Variants in ANO1 observed in about 807,000 individuals in gnomAD.
ANO1 encodes the protein anoctamin-1.
ANO1 carries 59 observed loss-of-function variants against 124.0 expected under a neutral mutation model. The ratio of observed to expected loss-of-function variants is 0.48; its 90% confidence interval spans 0.39 to 0.59. The LOEUF (loss-of-function observed/expected upper bound fraction) is 0.59, where lower values mean the gene tolerates loss of function less well. ANO1 is among the 20% of genes least tolerant of loss of function. The pLI is 0.00. For missense variants in ANO1, 1,059 were observed against 1,328.0 expected, an observed-to-expected ratio of 0.80 and a Z score of 3.15; for synonymous variants, 529 against 532.0, an observed-to-expected ratio of 0.99 and a Z score of 0.08.
At chr11:69,966,055 T>C in the ANO1 span, among the ~76,000 whole-genome samples, 1 of 151,060 alleles carries the variant, frequency 6.6e-6, no homozygotes, top group Non-Finnish European at 1.5e-5. Flanking sequence ...GCAGGGTTGG[T>C]GAGAATATCC....
the ANO1 span, among the ~76,000 whole-genome samples, chr11:69,975,045 C>A: frequency 7.2e-5 from 11 of 152,288 alleles, no homozygotes; most frequent in Admixed American, 2.0e-4. Flanking sequence ...GAGGGGCTGG[C>A]GTCCCACCCC....
At chr11:70,066,078 G>A (rs1857709933) in intron 1 of ANO1, among the ~76,000 whole-genome samples, 1 of 152,224 alleles carries the variant, frequency 6.6e-6, no homozygotes. Context: ...GGACTTGTTT[G>A]CATTGTTTAT....
intron 5 of ANO1, among the ~76,000 whole-genome samples, chr11:70,107,276 G>A (rs2045585453): frequency 6.6e-6 from 1 of 152,256 alleles, no homozygotes; most frequent in East Asian, 1.9e-4. Flanking sequence ...GTGGGGAGAG[G>A]CAAGCTGAGC....
upstream of ANO1, among the ~76,000 whole-genome samples, chr11:70,074,558 C>T (rs2044032528): frequency 6.6e-6 from 1 of 152,162 alleles, no homozygotes; most frequent in African/African-American, 2.4e-5. Flanking sequence ...CATCACCTCT[C>T]CAGGTGTGTG....
At chr11:70,026,055 GTGA>G (rs1400097988) in intron 1 of ANO1, among the ~76,000 whole-genome samples, 6 of 139,172 alleles carry the variant, frequency 4.3e-5, no homozygotes, top group Non-Finnish European at 7.6e-5. Flanking sequence ...GGTGGTGGTG[GTGA>G]TGATGATGTG....
At chr11:70,131,308 T>C (rs1590817094) in intron 10 of ANO1, among the ~76,000 whole-genome samples, 1 of 47,608 alleles carries the variant, frequency 2.1e-5, no homozygotes, top group Non-Finnish European at 5.5e-5. Flanking sequence ...AATCAATGTG[T>C]GTGTGTGTGT....
At chr11:70,147,319 G>A (rs1012564095) in intron 11 of ANO1, among the ~76,000 whole-genome samples, 1 of 152,312 alleles carries the variant, frequency 6.6e-6, no homozygotes, top group Admixed American at 6.5e-5. Context: ...TCTTCAAGGA[G>A]GCAGAGACCT....
chr11:70,055,238 T>C (rs1857416762), intron 1 of ANO1, among the ~76,000 whole-genome samples: 1 of 152,146 alleles, frequency 6.6e-6, no homozygotes, highest in Admixed American at 6.5e-5. Context: ...TGATTTTGTG[T>C]GTGTGTATGA....
intron 15 of ANO1, among the ~76,000 whole-genome samples, chr11:70,156,713 G>A (rs778406491): frequency 2.0e-5 from 3 of 152,172 alleles, no homozygotes; most frequent in Admixed American, 1.3e-4. Flanking sequence ...AGTGTTAAAC[G>A]GTTCTTGCTC....
intron 2 of ANO1, among the ~76,000 whole-genome samples, chr11:70,099,830 T>G (rs1469006305): frequency 6.6e-6 from 1 of 152,200 alleles, no homozygotes; most frequent in Non-Finnish European, 1.5e-5. Flanking sequence ...TAAGTCACTC[T>G]GTGGAAACCA....
intron 3 of ANO1, 93 bp from the exon 4 acceptor site, chr11:70,103,906 G>T: frequency 7.2e-7 from 1 of 1,397,022 alleles, no homozygotes; most frequent in Admixed American, 2.2e-5. Context: ...CGTTGCATGG[G>T]GTGGGATGGT....
At chr11:70,141,864 A>T (rs757388866) in intron 11 of ANO1, among the ~76,000 whole-genome samples, 5 of 152,164 alleles carry the variant, frequency 3.3e-5, no homozygotes, top group Admixed American at 3.3e-4. Context: ...CTACAATGGC[A>T]AAGAGACAGA....
At chr11:70,161,512 G>A (rs903652458) in intron 17 of ANO1, 110 bp from the exon 18 acceptor site, 34 of 1,381,896 alleles carry the variant, frequency 2.5e-5, no homozygotes, top group South Asian at 7.3e-5. Context: ...GCCATGGTGC[G>A]CCTATGAGAG....
chr11:69,975,253 C>T, the ANO1 span, among the ~76,000 whole-genome samples: 1 of 152,238 alleles, frequency 6.6e-6, no homozygotes, highest in African/African-American at 2.4e-5. Flanking sequence ...CTCCCTACCC[C>T]CTCCCCACAG....
At chr11:70,100,871 T>C (rs1429105092) in intron 2 of ANO1, among the ~76,000 whole-genome samples, 1 of 152,158 alleles carries the variant, frequency 6.6e-6, no homozygotes, top group Admixed American at 6.5e-5. Flanking sequence ...GTTCGTTCAT[T>C]CCATAAATAT....
intron 1 of ANO1, among the ~76,000 whole-genome samples, chr11:69,999,087 T>A (rs1393225074): frequency 1.3e-5 from 2 of 148,200 alleles, no homozygotes; most frequent in African/African-American, 5.0e-5. Flanking sequence ...GAGACCTGAG[T>A]CTGGGCAATT....
At chr11:70,016,068 C>T (rs1856698033) in intron 1 of ANO1, among the ~76,000 whole-genome samples, 1 of 151,458 alleles carries the variant, frequency 6.6e-6, no homozygotes, top group Non-Finnish European at 1.5e-5. Context: ...CACTCTGTTG[C>T]CCAGGCTGGA....
chr11:70,081,184 T>C (rs1051056212), intron 1 of ANO1, among the ~76,000 whole-genome samples: 2 of 152,254 alleles, frequency 1.3e-5, no homozygotes, highest in Non-Finnish European at 2.9e-5. Flanking sequence ...TGCAGAGATA[T>C]AAGAAGAAAT....
chr11:70,139,859 A>G (rs116851970), intron 11 of ANO1, among the ~76,000 whole-genome samples: 47 of 152,134 alleles, frequency 3.1e-4, no homozygotes, highest in Non-Finnish European at 2.5e-4. Context: ...TCTAGGCCCT[A>G]CTCCGCGGGC....
Sources: allele counts gnomAD v4.1 joint callset (sites outside exome capture counted in the v4.1 genomes callset), GRCh38; gene constraint gnomAD v4.1.1; transcripts MANE v1.5; gene names NCBI Gene and HGNC (gene_info 2026-07-23, HGNC 2026-07-21).